Variants in UGT3A1 observed in about 807,000 individuals in gnomAD.
UGT3A1 encodes UDP glycosyltransferase family 3 member A1, also known as UDP-glycosyltransferase 3A1.
A neutral mutation model predicts 37.6 loss-of-function variants in UGT3A1; 40 were observed. The ratio of observed to expected loss-of-function variants is 1.06; its 90% CI spans 0.83 to 1.38. UGT3A1 has a LOEUF of 1.38. UGT3A1 is among the 40% of genes most tolerant of loss of function. UGT3A1 has a pLI of 0.00. For missense variants in UGT3A1, 642 were observed against 634.2 expected (o/e 1.01, Z -0.13); for synonymous variants, 256 against 232.3 (o/e 1.10, Z -0.93).
chr5:35,992,503 G>A (rs1173087739), upstream of UGT3A1, among the ~76,000 whole-genome samples: 1 of 152,172 alleles, frequency 6.6e-6, no homozygotes, highest in Non-Finnish European at 1.5e-5. Context: ...CAAAATAAAG[G>A]ACTTGCTATC....
At position 35,999,236 on chromosome 5, in the gene UGT3A1, C is replaced by CAAAAA. The variant is rs34007699; in HGVS notation, c.-160+1727_-160+1731dup. On this transcript the variant is annotated intron_variant, in intron 1 of 5. Transcript: ENST00000625798. ...TGGGCCACAGAGAGAGACTCCATCT[C>CAAAAA]AAAAAAAAAAAAAAAAATGTACAAT... Among the ~76,000 whole-genome samples, 534 of 103,024 alleles carry CAAAAA rather than the reference C, an allele frequency of 5.2e-3. 13 individuals carry two copies. Among genetic ancestry groups the CAAAAA allele is most frequent in the African/African-American group, 0.019 (514 of 27,100 alleles). 67.6% of individuals were successfully genotyped at this position (103,024 alleles called of 152,430 possible).
chr5:35,960,436 T>C (rs934494803), intron 4 of UGT3A1, among the ~76,000 whole-genome samples: 2 of 152,162 alleles, frequency 1.3e-5, no homozygotes, highest in East Asian at 1.9e-4. Context: ...TGACCCCCCC[T>C]CACAGGGTAT....
At chr5:35,965,025 C>A (rs2149960287) in intron 4 of UGT3A1, among the ~76,000 whole-genome samples, 1 of 152,330 alleles carries the variant, frequency 6.6e-6, no homozygotes, top group South Asian at 2.1e-4. Context: ...TAGCTCATCT[C>A]CTTAACAATT....
intron 2 of UGT3A1, among the ~76,000 whole-genome samples, chr5:35,970,809 A>G (rs1305522376): frequency 6.6e-6 from 1 of 152,172 alleles, no homozygotes; most frequent in South Asian, 2.1e-4. Context: ...AATTGTCTCC[A>G]TTCTTTCTCC....
chr5:35,980,720 C>T (rs192636319), intron 2 of UGT3A1, among the ~76,000 whole-genome samples: 3 of 152,308 alleles, frequency 2.0e-5, no homozygotes, highest in Admixed American at 1.3e-4. Flanking sequence ...CTGTCTAACT[C>T]CTGTCATTAT....
At position 35,968,117 on chromosome 5, in the gene UGT3A1, T is replaced by C; in HGVS notation, c.213A>G (p.Glu71=). 1 of 1,611,540 alleles carries C rather than the reference T, an allele frequency of 6.2e-7. No homozygotes were observed. Among genetic ancestry groups the C allele is most frequent in the South Asian group, 1.1e-5 (1 of 90,858 alleles). ...ACCACCTGATAACTTGGTATGATTT[T>C]TCCTCCTCTTTAATATCTAAGAAAA... The part of the protein sequence containing the change: ...KFLIPDIKEE[E]KSYQVIRWFS... Residue 71 remains glutamate (E), a synonymous_variant, in exon 3 of 7, where the codon GAA becomes GAG. Transcript: ENST00000274278.
At chr5:35,988,615 G>C in intron 1 of UGT3A1, 64 bp from the exon 2 acceptor site, 1 of 1,242,718 alleles carries the variant, frequency 8.0e-7, no homozygotes, top group Non-Finnish European at 1.2e-6. Context: ...CAATATGGGA[G>C]TAGGCAGGAG....
chr5:35,975,662 A>AT (rs35842142), intron 2 of UGT3A1, among the ~76,000 whole-genome samples: 35,171 of 148,470 alleles, frequency 0.24, 4,319 homozygotes, highest in Non-Finnish European at 0.28. Context: ...ACAGTGAAGC[A>AT]TTTTTTTTTT....
intron 1 of UGT3A1, chr5:35,990,825 T>C (rs1740915580): frequency 2.4e-6 from 2 of 836,784 alleles, no homozygotes; most frequent in Non-Finnish European, 3.2e-6. Context: ...CCCACTGCGC[T>C]CTAGAGAAGG....
rs112570014 is a variant in UGT3A1 at position 35,974,901 on chromosome 5, G to A, written c.197-6768C>T. The stretch of plus-strand genomic sequence containing the variant: ...CTTCCACAACAAACCACACTTGTCC[G>A]TTGCGTTGCCTATGGCCAATGGTTT... On this transcript the variant is annotated intron_variant, in intron 2 of 6. Coordinates refer to ENST00000274278, the MANE Select transcript of UGT3A1 (RefSeq NM_152404.4). Among the ~76,000 whole-genome samples, 704 of 152,310 alleles carry A rather than the reference G, an allele frequency of 4.6e-3. 9 individuals carry two copies. The highest frequency in any genetic ancestry group is 0.016 in the African/African-American group (660 of 41,576).
intron 1 of UGT3A1, 51 bp from the exon 2 acceptor site, chr5:35,988,602 T>C (rs1740817427): frequency 1.4e-6 from 2 of 1,422,246 alleles, no homozygotes; most frequent in East Asian, 4.6e-5. Flanking sequence ...GAGTTTCTGA[T>C]GACAATATGG....
intron 1 of UGT3A1, 63 bp downstream of exon 1, chr5:35,991,084 G>C: frequency 6.2e-7 from 1 of 1,614,030 alleles, no homozygotes; most frequent in Non-Finnish European, 8.5e-7. Flanking sequence ...CCGTTCGCTG[G>C]AGCCCTGGCA....
chr5:35,996,791 T>C (rs1367716502), intron 2 of UGT3A1, among the ~76,000 whole-genome samples: 2 of 152,098 alleles, frequency 1.3e-5, no homozygotes, highest in Non-Finnish European at 2.9e-5. Flanking sequence ...GAAGGAAATA[T>C]TAGGGGAGAA....
intron 2 of UGT3A1, among the ~76,000 whole-genome samples, chr5:35,977,895 T>G (rs1327194083): frequency 6.6e-6 from 1 of 152,140 alleles, no homozygotes; most frequent in African/African-American, 2.4e-5. Context: ...AGCTGGAAGG[T>G]GGGATGACAC....
intron 3 of UGT3A1, among the ~76,000 whole-genome samples, chr5:35,966,361 T>TA: frequency 6.6e-6 from 1 of 152,334 alleles, no homozygotes; most frequent in South Asian, 2.1e-4. Context: ...GTAGTCTTTT[T>TA]AAAAATACTG....
At chr5:35,973,140 T>A (rs950395437) in intron 2 of UGT3A1, among the ~76,000 whole-genome samples, 7 of 152,230 alleles carry the variant, frequency 4.6e-5, no homozygotes, top group African/African-American at 1.7e-4. Context: ...GCAACTTTTC[T>A]ACACCCATCT....
chr5:35,995,564 T>C (rs1741075722), upstream of UGT3A1, among the ~76,000 whole-genome samples: 1 of 152,182 alleles, frequency 6.6e-6, no homozygotes, highest in African/African-American at 2.4e-5. Context: ...CTAGTCTACA[T>C]GTTGGTCTCA....
At chr5:35,999,827 T>A (rs551412198) in intron 1 of UGT3A1, among the ~76,000 whole-genome samples, 2 of 152,290 alleles carry the variant, frequency 1.3e-5, no homozygotes, top group South Asian at 2.1e-4. Flanking sequence ...ATCTCAAAAT[T>A]ACAAGTATGT....
chr5:35,992,124 C>G (rs138897716), upstream of UGT3A1, among the ~76,000 whole-genome samples: 2 of 152,314 alleles, frequency 1.3e-5, no homozygotes, highest in East Asian at 1.9e-4. Context: ...TCTAGACAGA[C>G]AGAGAAATCC....
Sources: gnomAD v4.1 joint callset for allele counts (sites outside exome capture counted in the v4.1 genomes callset) on GRCh38, gnomAD v4.1.1 for gene constraint, MANE v1.5 for transcripts, NCBI Gene and HGNC (gene_info 2026-07-23, HGNC 2026-07-21) for gene names.